Variants in NCOR2 observed in about 807,000 individuals in gnomAD.
NCOR2 encodes nuclear receptor corepressor 2.
NCOR2 carries 81 observed loss-of-function variants against 262.9 expected under a neutral mutation model. That is an observed-to-expected ratio of 0.31 (90% CI 0.26 to 0.37). NCOR2 has a LOEUF of 0.37. NCOR2 is among the 10% of genes least tolerant of loss of function. The pLI, the probability that NCOR2 is intolerant of heterozygous loss-of-function variation, is 1.00. For missense variants in NCOR2, 3,385 were observed against 3,621.4 expected (o/e 0.93, Z 1.68); for synonymous variants, 1,659 against 1,559.3 (o/e 1.06, Z -1.51).
At position 124,385,491 on chromosome 12, in the gene NCOR2, T is replaced by G. The variant is rs528815999; in HGVS notation, c.2019+254A>C. On this transcript the variant is annotated intron_variant, in intron 17 of 46. Transcript: ENST00000405201. ...CCCAGAGGTGTCTGTCTGAGAGGAG[T>G]GGGGTGCAGGGTGGGGGTGGAGGGC... 4.0e-5 allele frequency among the ~76,000 whole-genome samples: 6 copies of G among 151,614 alleles called. No homozygotes were observed. The South Asian group carries it at 1.3e-3, about 32-fold the overall frequency.
chr12:124,422,202 G>T (rs1313633607), intron 12 of NCOR2, among the ~76,000 whole-genome samples: 3 of 152,204 alleles, frequency 2.0e-5, no homozygotes, highest in Non-Finnish European at 2.9e-5. Context: ...GAGACCCGTC[G>T]GGCACACGGG....
rs1012473457 is a variant in NCOR2, at chr12:124,389,433, C to G, written c.1877-3546G>C. ...GCCAACTTGGCACTGGCTCCCCCTCCCTCTCTCCCCATCCGCGGCGGTGGC... is the reference window on the plus strand; with the variant it reads ...GCCAACTTGGCACTGGCTCCCCCTCGCTCTCTCCCCATCCGCGGCGGTGGC... On this transcript the variant is annotated intron_variant, in intron 16 of 46. Coordinates refer to ENST00000405201, the Ensembl canonical transcript of NCOR2. This position sits in a 1 kb window ranked among gnomAD's most constrained non-coding sequence, Gnocchi z 4.4. Among the ~76,000 whole-genome samples, 5 of 152,198 alleles carry G rather than the reference C, an allele frequency of 3.3e-5. No homozygotes were observed. The highest frequency in any genetic ancestry group is 3.3e-4 in the Admixed American group (5 of 15,286).
At chr12:124,388,806 C>A in intron 16 of NCOR2, 1 of 1,294,676 alleles carries the variant, frequency 7.7e-7, no homozygotes, top group Non-Finnish European at 1.0e-6. Context: ...CTCTGCGAGG[C>A]TGCTGGTTGG....
chr12:124,438,029 C>T (rs2044464241), intron 7 of NCOR2, 33 bp from the exon 10 acceptor site: 1 of 1,590,236 alleles, frequency 6.3e-7, no homozygotes, highest in African/African-American at 1.3e-5. Flanking sequence ...ACAGGTCAGC[C>T]CGGCCGGGCT....
At chr12:124,472,298 C>CT (rs2046869910) in intron 4 of NCOR2, among the ~76,000 whole-genome samples, 1 of 152,156 alleles carries the variant, frequency 6.6e-6, no homozygotes, top group Non-Finnish European at 1.5e-5. Context: ...TTTTTCTCCG[C>CT]TTGTCTTTGT....
intron 3 of NCOR2, among the ~76,000 whole-genome samples, chr12:124,474,700 C>T (rs1030508616): frequency 1.5e-4 from 23 of 152,190 alleles, no homozygotes; most frequent in Non-Finnish European, 2.8e-4. Flanking sequence ...CTCCCCGGTC[C>T]TTGTGAGTCT....
chr12:124,392,713 G>A (rs1395055452), intron 16 of NCOR2, among the ~76,000 whole-genome samples: 2 of 152,066 alleles, frequency 1.3e-5, no homozygotes, highest in Non-Finnish European at 2.9e-5. Flanking sequence ...GACATGTAGT[G>A]GAGGAGGTCC....
chr12:124,355,685 C>A, intron 23 of NCOR2, 114 bp from the exon 26 acceptor site: 1 of 1,373,586 alleles, frequency 7.3e-7, no homozygotes, highest in African/African-American at 1.5e-5. Context: ...AGTGCCCATC[C>A]ATGCGCACTC....
Position 124,389,900 on chromosome 12 carries a change from T to C in NCOR2, c.1877-4013A>G, listed in dbSNP as rs551598884. 2.6e-5 allele frequency among the ~76,000 whole-genome samples: 4 copies of C among 152,174 alleles called. No individual in the cohort carries two copies. Among genetic ancestry groups the C allele is most frequent in the African/African-American group, 7.2e-5 (3 of 41,522 alleles). On this transcript the variant is annotated intron_variant, in intron 16 of 46. Coordinates refer to ENST00000405201, the Ensembl canonical transcript of NCOR2. This position sits in a 1 kb window ranked among gnomAD's most constrained non-coding sequence, Gnocchi z 4.4. ...AAATGCCGGGGAGCCACCCAGAAGG[T>C]TGAAAGTTAACTGAGCTGAACTTTG... is the stretch of plus-strand genomic sequence containing the variant.
intron 16 of NCOR2, chr12:124,388,752 G>A (rs1280691968): frequency 3.1e-6 from 4 of 1,304,154 alleles, no homozygotes; most frequent in Non-Finnish European, 4.0e-6. Flanking sequence ...GATGCCCCAG[G>A]GAGCGGGCCG....
intron 16 of NCOR2, among the ~76,000 whole-genome samples, chr12:124,397,793 C>T (rs2041777886): frequency 6.6e-6 from 1 of 152,170 alleles, no homozygotes; most frequent in Non-Finnish European, 1.5e-5. Context: ...ACTGCTCTGT[C>T]CCCAAGGCCC....
intron 2 of NCOR2, among the ~76,000 whole-genome samples, chr12:124,484,969 G>A (rs536211753): frequency 2.0e-5 from 3 of 152,274 alleles, no homozygotes; most frequent in South Asian, 4.1e-4. Flanking sequence ...CCCGGGGAGC[G>A]GGGCAGCCAC....
chr12:124,381,752 A>AGGGTGCCTT (rs2040424598), intron 17 of NCOR2, among the ~76,000 whole-genome samples: 1 of 152,234 alleles, frequency 6.6e-6, no homozygotes, highest in Non-Finnish European at 1.5e-5. Context: ...AGCAGAAAAC[A>AGGGTGCCTT]AGGCGGGGCT....
At chr12:124,528,127 C>T (rs975781456) in intron 1 of NCOR2, among the ~76,000 whole-genome samples, 12 of 152,244 alleles carry the variant, frequency 7.9e-5, no homozygotes, top group African/African-American at 2.4e-4. Flanking sequence ...CTCCAGGGAC[C>T]CCACCACCAC....
chr12:124,426,763 G>A (rs752378493), exon 11 of NCOR2: 4 of 1,593,578 alleles, frequency 2.5e-6, no homozygotes, highest in Admixed American at 1.7e-5. Flanking sequence ...CAGCATGGGC[G>A]GGATCACGGC....
At chr12:124,340,038 G>A (rs747938683) in exon 37 of NCOR2, 40 of 1,612,562 alleles carry the variant, frequency 2.5e-5, no homozygotes, top group Admixed American at 1.2e-4. Flanking sequence ...GCTCCACAGC[G>A]GTGATGATAC....
chr12:124,398,125 T>G (rs1397390840), exon 16 of NCOR2: 3 of 1,614,216 alleles, frequency 1.9e-6, no homozygotes, highest in Non-Finnish European at 2.5e-6. Flanking sequence ...TCACCTTTCT[T>G]GGCTGTTTCC....
intron 8 of NCOR2, among the ~76,000 whole-genome samples, chr12:124,431,757 GAC>G (rs1016018245): frequency 6.7e-6 from 1 of 149,630 alleles, no homozygotes; most frequent in Non-Finnish European, 1.5e-5. Context: ...ACACACAGTA[GAC>G]ACACAGTCAC....
chr12:124,516,281 G>T (rs985807310), intron 1 of NCOR2, among the ~76,000 whole-genome samples: 2 of 152,230 alleles, frequency 1.3e-5, no homozygotes, highest in African/African-American at 4.8e-5. Flanking sequence ...GCCCTCCCGC[G>T]CCAGTCCCCA....
Sources: gnomAD v4.1 joint callset for allele counts (sites outside exome capture counted in the v4.1 genomes callset) on GRCh38, gnomAD v4.1.1 for gene constraint, Gnocchi (gnomAD v3.1) non-coding constraint, MANE v1.5 for transcripts, NCBI Gene and HGNC (gene_info 2026-07-23, HGNC 2026-07-21) for gene names.